FKBP5: variants seen among roughly 807,000 people sequenced by gnomAD.
FKBP5 encodes the protein peptidyl-prolyl cis-trans isomerase FKBP5.
Under a neutral mutation model 50.5 loss-of-function variants are expected in FKBP5, and 23 were observed. That is an observed-to-expected ratio of 0.46 (90% CI 0.33 to 0.65). FKBP5 has a LOEUF of 0.65. Ranked by LOEUF, FKBP5 falls within the 30% of genes least tolerant of loss-of-function variation. FKBP5 has a pLI of 0.02. For synonymous variants in FKBP5, 176 were observed against 190.6 expected, an observed-to-expected ratio of 0.92 and a Z score of 0.63; for missense variants, 411 against 553.1, an observed-to-expected ratio of 0.74 and a Z score of 2.58.
intron 1 of FKBP5, among the ~76,000 whole-genome samples, chr6:35,670,696 C>T (rs1257107555): frequency 1.3e-5 from 2 of 149,932 alleles, no homozygotes; most frequent in Non-Finnish European, 3.0e-5. Context: ...CGTGCCACTG[C>T]ACTCCAGCCT....
chr6:35,637,798 A>G (rs930675584), intron 2 of FKBP5, among the ~76,000 whole-genome samples: 2 of 152,148 alleles, frequency 1.3e-5, no homozygotes, highest in African/African-American at 2.4e-5. Context: ...GCTAGTCCAT[A>G]TACACACGGA....
chr6:35,645,260 G>GA lies in FKBP5; in HGVS notation c.-19-2418dup, dbSNP rs528874169. Among the ~76,000 whole-genome samples, 13 of 152,238 alleles carry GA rather than the reference G, an allele frequency of 8.5e-5. No individual in the cohort carries two copies. The South Asian group carries it at 1.2e-3, about 15-fold the overall frequency. On this transcript the variant is annotated intron_variant, in intron 1 of 10. Coordinates refer to ENST00000357266, the MANE Select transcript of FKBP5 (RefSeq NM_004117.4). ...TACAAGACCATTGGCCTACACTCCT[G>GA]AAAAAATGTTAACAACATAAAGAAC...
intron 8 of FKBP5, chr6:35,583,947 T>G: frequency 2.0e-6 from 2 of 985,334 alleles, no homozygotes; most frequent in Non-Finnish European, 2.4e-6. Flanking sequence ...GTTGAACAAT[T>G]CTCCTCAACT....
intron 2 of FKBP5, among the ~76,000 whole-genome samples, chr6:35,708,501 C>T (rs1212901737): frequency 1.3e-5 from 2 of 152,116 alleles, no homozygotes; most frequent in Non-Finnish European, 2.9e-5. Flanking sequence ...ATCTACCCAC[C>T]TTGGCCTCCC....
At position 35,726,686 on chromosome 6, in the gene FKBP5, A is replaced by G. The variant is rs527831531; in HGVS notation, c.-241+1822T>C. Among the ~76,000 whole-genome samples the G allele has an allele frequency of 2.6e-5, 4 of 152,148 alleles. No homozygotes were observed. In the East Asian group the frequency reaches 5.8e-4, roughly 22 times the overall value. ...TAGCTATTACACACATTTGGTACTC[A>G]CCACCTGCTGGCTTGGGTTATTATT... On this transcript the variant is annotated intron_variant, in intron 1 of 11. Transcript: ENST00000536438.
chr6:35,576,280 A>T (rs1490808052), intron 10 of FKBP5, among the ~76,000 whole-genome samples: 1 of 152,132 alleles, frequency 6.6e-6, no homozygotes, highest in East Asian at 1.9e-4. Context: ...CCCTCAAGAT[A>T]ACAGGTGTGA....
rs970774216 is a variant in FKBP5, at chr6:35,602,372, A to C, written c.509-4968T>G. Among the ~76,000 whole-genome samples the C allele has an allele frequency of 4.9e-4, 75 of 152,086 alleles. 1 individual carries two copies. Among genetic ancestry groups the C allele is most frequent in the Non-Finnish European group, 6.3e-4 (43 of 68,016 alleles). ...CTAATTATAGTAGTTGGTGTCTGATAGCTTTGCACTCATTCTCAAAACAAT... is the reference window on the plus strand; with the variant it reads ...CTAATTATAGTAGTTGGTGTCTGATCGCTTTGCACTCATTCTCAAAACAAT... On this transcript the variant is annotated intron_variant, in intron 5 of 10. Transcript: ENST00000357266.
At chr6:35,611,405 G>C (rs1167204274) in intron 5 of FKBP5, among the ~76,000 whole-genome samples, 2 of 152,138 alleles carry the variant, frequency 1.3e-5, no homozygotes, top group East Asian at 3.8e-4. Context: ...AAATGTGGCT[G>C]AAAGTACTGA....
chr6:35,721,525 G>A lies in FKBP5; in HGVS notation c.-240-977C>T, dbSNP rs369482355. ...GGCTGGAGTGCAATGGCATGCTTTC[G>A]GCTCACCACAACCTCCGCCTCCCGG... is the stretch of plus-strand genomic sequence containing the variant. On this transcript the variant is annotated intron_variant, in intron 1 of 11. Transcript: ENST00000536438. 4.0e-5 allele frequency among the ~76,000 whole-genome samples: 6 copies of A among 151,494 alleles called. No individual in the cohort carries two copies. In the South Asian group the frequency reaches 8.3e-4, roughly 21 times the overall value.
intron 8 of FKBP5, chr6:35,584,745 TTTTTCCCCAATGGAC>T (rs1762549770): frequency 1.0e-6 from 1 of 985,320 alleles, no homozygotes; most frequent in African/African-American, 1.7e-5. Flanking sequence ...CTTTCATTAA[TTTTTCCCCAATGGAC>T]TAATGTTTTG....
At chr6:35,691,149 C>T (rs749235194), upstream of FKBP5, among the ~76,000 whole-genome samples, 6 of 152,172 alleles carry the variant, frequency 3.9e-5, no homozygotes, top group African/African-American at 1.2e-4. Context: ...TGTCAGTTCT[C>T]CTCTTCATGT....
At chr6:35,724,553 A>C (rs1370491798) in intron 1 of FKBP5, among the ~76,000 whole-genome samples, 2 of 152,172 alleles carry the variant, frequency 1.3e-5, no homozygotes, top group African/African-American at 4.8e-5. Flanking sequence ...TTTTAGTTAC[A>C]TAATCTGAGC....
At chr6:35,656,137 T>C (rs893309767) in intron 1 of FKBP5, among the ~76,000 whole-genome samples, 2 of 152,222 alleles carry the variant, frequency 1.3e-5, no homozygotes, top group African/African-American at 4.8e-5. Context: ...CCAAAGTCCA[T>C]TATATGCCTA....
Position 35,574,282 on chromosome 6 carries a change from C to CTTT in FKBP5, c.*1550_*1552dup, listed in dbSNP as rs1201642420. 6.6e-6 allele frequency: 1 copy of CTTT among 152,126 alleles called. No homozygotes were observed. The highest frequency in any genetic ancestry group is 1.5e-5 in the Non-Finnish European group (1 of 68,010). 9.4% of individuals were successfully genotyped at this position (152,126 alleles called of 1,614,324 possible). A position where few individuals can be genotyped will look rare whatever the true frequency, so the allele number is the denominator to read the frequency against. On this transcript the variant is annotated 3_prime_UTR_variant, in exon 11 of 11. Coordinates refer to ENST00000357266, the MANE Select transcript of FKBP5 (RefSeq NM_004117.4). ...GGGGTCCCAATCTAATAATAAAAGT[C>CTTT]TTTTGATAAAACCATCATAAAAATA...
intron 5 of FKBP5, among the ~76,000 whole-genome samples, chr6:35,617,843 GGAA>G (rs927888798): frequency 1.3e-5 from 2 of 152,146 alleles, no homozygotes; most frequent in African/African-American, 4.8e-5. Context: ...GCTCCGGGAG[GGAA>G]GAAGAGTTAG....
chr6:35,578,957 A>C (rs1038681386), intron 9 of FKBP5, among the ~76,000 whole-genome samples: 1 of 146,074 alleles, frequency 6.8e-6, no homozygotes, highest in Non-Finnish European at 1.5e-5. Context: ...TACAAAAGTA[A>C]ATTTAAAAAT....
At chr6:35,584,590 C>A in intron 8 of FKBP5, 1 of 985,410 alleles carries the variant, frequency 1.0e-6, no homozygotes, top group Non-Finnish European at 1.2e-6. Context: ...TATCTACTAA[C>A]CATTTTGAAG....
chr6:35,584,928 T>C, intron 8 of FKBP5: 1 of 985,482 alleles, frequency 1.0e-6, no homozygotes, highest in Non-Finnish European at 1.2e-6. Context: ...TAAGTAACTG[T>C]ACAGACACTC....
chr6:35,718,136 G>A (rs773294815), intron 2 of FKBP5, among the ~76,000 whole-genome samples: 6 of 152,102 alleles, frequency 3.9e-5, no homozygotes, highest in Non-Finnish European at 8.8e-5. Flanking sequence ...CTCTGGGGGC[G>A]GCATTTGAAT....
Sources: allele counts gnomAD v4.1 joint callset (sites outside exome capture counted in the v4.1 genomes callset), GRCh38; gene constraint gnomAD v4.1.1; transcripts MANE v1.5; gene names NCBI Gene and HGNC (gene_info 2026-07-23, HGNC 2026-07-21).